SLC47A1: variants seen among roughly 807,000 people sequenced by gnomAD.
SLC47A1 encodes multidrug and toxin extrusion protein 1.
A neutral mutation model predicts 65.8 loss-of-function variants in SLC47A1; 58 were observed. The ratio of observed to expected loss-of-function variants is 0.88; its 90% CI spans 0.71 to 1.10. The LOEUF is 1.10. SLC47A1 is among the 50% of genes least tolerant of loss of function. SLC47A1 has a pLI of 0.00. For missense variants in SLC47A1, 706 were observed against 719.2 expected (o/e 0.98, Z 0.21); for synonymous variants, 285 against 295.0 (o/e 0.97, Z 0.35).
chr17:19,571,706 T>G, intron 15 of SLC47A1, 134 bp downstream of exon 15: 1 of 673,396 alleles, frequency 1.5e-6, no homozygotes, highest in Non-Finnish European at 2.5e-6. Flanking sequence ...CTATTGTTCT[T>G]GTTGTTTTAA....
At chr17:19,547,945 G>A in intron 3 of SLC47A1, 40 bp from the exon 4 acceptor site, 2 of 1,556,980 alleles carry the variant, frequency 1.3e-6, no homozygotes, top group East Asian at 4.6e-5. Context: ...GGTGTGCTGG[G>A]TCTGTGCTAA....
chr17:19,548,908 A>G (rs1278253007), intron 4 of SLC47A1, among the ~76,000 whole-genome samples: 1 of 152,094 alleles, frequency 6.6e-6, no homozygotes, highest in East Asian at 1.9e-4. Flanking sequence ...AAGAGCTTTT[A>G]AAGCTCTTAT....
rs994176062 is a variant in SLC47A1 at position 19,561,600 on chromosome 17, G to A, written c.1106+1107G>A. ...GGAGCTTGCAGTGAGCTGAGATCCCGCCACTGCACTCCAGCCTGGGCGACA... is the reference window on the plus strand; with the variant it reads ...GGAGCTTGCAGTGAGCTGAGATCCCACCACTGCACTCCAGCCTGGGCGACA... On this transcript the variant is annotated intron_variant, in intron 12 of 16. Coordinates refer to ENST00000270570, the MANE Select transcript of SLC47A1 (RefSeq NM_018242.3). Among the ~76,000 whole-genome samples the A allele has an allele frequency of 4.9e-5, 7 of 144,098 alleles. No individual in the cohort carries two copies. In the South Asian group the frequency reaches 8.8e-4, roughly 18 times the overall value. 94.5% of individuals were successfully genotyped at this position (144,098 alleles called of 152,430 possible). A position where few individuals can be genotyped will look rare whatever the true frequency, so the allele number is the denominator to read the frequency against.
chr17:19,555,473 GGAA>G (rs1215806879), intron 7 of SLC47A1, 117 bp from the exon 8 acceptor site: 4 of 1,302,662 alleles, frequency 3.1e-6, no homozygotes, highest in Non-Finnish European at 4.4e-6. Flanking sequence ...GGCTGCTCTG[GGAA>G]GAAGACCTTG....
chr17:19,552,455 C>G (rs949610864), intron 6 of SLC47A1, among the ~76,000 whole-genome samples: 9 of 152,198 alleles, frequency 5.9e-5, no homozygotes, highest in Non-Finnish European at 1.0e-4. Context: ...TTTCATCCGG[C>G]TTTGGGCTGT....
intron 1 of SLC47A1, among the ~76,000 whole-genome samples, chr17:19,540,288 AG>A (rs374175276): frequency 3.4e-4 from 52 of 152,318 alleles, no homozygotes; most frequent in African/African-American, 1.2e-3. Flanking sequence ...AACAGCTCAC[AG>A]GTGGCCCACA....
intron 12 of SLC47A1, among the ~76,000 whole-genome samples, chr17:19,564,326 G>A (rs2084339483): frequency 6.6e-6 from 1 of 152,086 alleles, no homozygotes; most frequent in Non-Finnish European, 1.5e-5. Flanking sequence ...ACTCCAGCCT[G>A]GGTGACAGTG....
rs374210525 is a variant in SLC47A1, at chr17:19,555,969, A to G, written c.854-26A>G. 8.7e-6 allele frequency: 14 copies of G among 1,613,980 alleles called. No homozygotes were observed. The African/African-American group carries it at 1.6e-4, about 18-fold the overall frequency. Reference sequence around the variant, plus strand: ...AACCTGGGGGCCCTGTCTGGGTGCAAGGCGACAGCTGTCTTTCTTCACCAG... The same window carrying G: ...AACCTGGGGGCCCTGTCTGGGTGCAGGGCGACAGCTGTCTTTCTTCACCAG... On this transcript the variant is annotated intron_variant, in intron 9 of 16. Transcript: ENST00000270570.
Position 19,555,690 on chromosome 17 carries a change from G to T in SLC47A1, c.739G>T (p.Gly247Cys). ...AAAACTGCATCAAGCTACATGGGGA[G>T]GTAATGACTGCCCTTTTGTCTTCCA... ...GKKLHQATWG[G>C]WSLECLQDWA... is the part of the protein sequence containing the mutation. The change falls in exon 8 of 17, where the codon GGC becomes TGC. Residue 247 changes from glycine to cysteine, a missense_variant and splice_region_variant. Physicochemically the swap from Gly to Cys is radical, Grantham distance 159 (BLOSUM62 -3). Transcript: ENST00000270570. The T allele has an allele frequency of 6.2e-7, 1 of 1,614,140 alleles. No homozygotes were observed. Among genetic ancestry groups the T allele is most frequent in the Non-Finnish European group, 8.5e-7 (1 of 1,180,024 alleles).
chr17:19,558,144 C>T (rs900745609), intron 10 of SLC47A1, among the ~76,000 whole-genome samples: 1 of 152,166 alleles, frequency 6.6e-6, no homozygotes, highest in Non-Finnish European at 1.5e-5. Context: ...ACCAATTGTT[C>T]TGGTAATGTC....
At chr17:19,559,233 T>C (rs1032989002) in intron 10 of SLC47A1, among the ~76,000 whole-genome samples, 3 of 152,198 alleles carry the variant, frequency 2.0e-5, no homozygotes, top group Non-Finnish European at 1.5e-5. Context: ...ATAAAGTGGC[T>C]GTGCTGGGAT....
intron 14 of SLC47A1, chr17:19,568,002 G>A (rs1477297353): frequency 2.6e-5 from 4 of 152,306 alleles, no homozygotes; most frequent in East Asian, 1.9e-4. Context: ...TAAAAAGTAC[G>A]GAAATAAATG....
At chr17:19,556,578 G>A (rs1462599202) in intron 10 of SLC47A1, among the ~76,000 whole-genome samples, 1 of 128,340 alleles carries the variant, frequency 7.8e-6, no homozygotes, top group Admixed American at 8.1e-5. Flanking sequence ...TTTTTTTTGA[G>A]ATGGAGTCCC....
rs138333806 is a variant in SLC47A1, at chr17:19,572,556, A to C, written c.1405-224A>C. ...AGGCTGGCCTTGAATTCCTGGGCTCAAGCAATCCTCTCTCCTCAGCCCCCC... is the reference window on the plus strand; with the variant it reads ...AGGCTGGCCTTGAATTCCTGGGCTCCAGCAATCCTCTCTCCTCAGCCCCCC... On this transcript the variant is annotated intron_variant, in intron 15 of 16. Coordinates refer to ENST00000270570, the MANE Select transcript of SLC47A1 (RefSeq NM_018242.3). Among the ~76,000 whole-genome samples, 138 of 152,134 alleles carry C rather than the reference A, an allele frequency of 9.1e-4. No homozygotes were observed. The Middle Eastern group carries it at 0.01, about 11-fold the overall frequency.
chr17:19,572,805 T>A lies in SLC47A1; in HGVS notation c.1430T>A (p.Val477Glu). Reference sequence around the variant, plus strand: ...GCTCAGGTACACGCCAATTTGAAAGTAAACAACGTGCCTCGGAGTGGGAAT... The same window carrying A: ...GCTCAGGTACACGCCAATTTGAAAGAAAACAACGTGCCTCGGAGTGGGAAT... ...QQAQVHANLK[V>E]NNVPRSGNSA... The change falls in exon 16 of 17, where the codon GTA becomes GAA. Residue 477 changes from valine to glutamate, a missense_variant. By Grantham distance (121) the Val-to-Glu change is moderately radical (BLOSUM62 -2). Coordinates refer to ENST00000270570, the MANE Select transcript of SLC47A1 (RefSeq NM_018242.3). 1 of 1,614,118 alleles carries A rather than the reference T, an allele frequency of 6.2e-7. No homozygotes were observed. Among genetic ancestry groups the A allele is most frequent in the Non-Finnish European group, 8.5e-7 (1 of 1,180,012 alleles).
At position 19,541,254 on chromosome 17, in the gene SLC47A1, C is replaced by T. The variant is rs539831653; in HGVS notation, c.136-1139C>T. 6.6e-5 allele frequency among the ~76,000 whole-genome samples: 10 copies of T among 152,270 alleles called. No individual in the cohort carries two copies. The South Asian group carries it at 1.5e-3, about 22-fold the overall frequency. On this transcript the variant is annotated intron_variant, in intron 1 of 16. Coordinates refer to ENST00000270570, the MANE Select transcript of SLC47A1 (RefSeq NM_018242.3). Reference sequence around the variant, plus strand: ...CAGCTTCAGTGAGGGCCCCATGGGGCAGATGCAGGCAGCGGCGGCAGCAGC... The same window carrying T: ...CAGCTTCAGTGAGGGCCCCATGGGGTAGATGCAGGCAGCGGCGGCAGCAGC...
At chr17:19,547,907 C>T in intron 3 of SLC47A1, 78 bp from the exon 4 acceptor site, 1 of 1,457,476 alleles carries the variant, frequency 6.9e-7, no homozygotes, top group Non-Finnish European at 9.2e-7. Flanking sequence ...CTTTGTGTGG[C>T]ACAATTGAAG....
chr17:19,545,488 G>T (rs1019345893), intron 2 of SLC47A1, among the ~76,000 whole-genome samples: 3 of 150,994 alleles, frequency 2.0e-5, no homozygotes, highest in Non-Finnish European at 4.4e-5. Flanking sequence ...CACTATGCTC[G>T]GCCAGAAATT....
Position 19,555,876 on chromosome 17 carries a change from T to G in SLC47A1, c.820T>G (p.Trp274Gly). 1.2e-6 allele frequency: 2 copies of G among 1,613,470 alleles called. No individual in the cohort carries two copies. Among genetic ancestry groups the G allele is most frequent in the Non-Finnish European group, 8.5e-7 (1 of 1,179,920 alleles). Residue 274 changes from tryptophan to glycine, a missense_variant, in exon 9 of 17, where the codon TGG becomes GGG. Physicochemically the swap from Trp to Gly is radical, Grantham distance 184. Transcript: ENST00000270570. ...CAGCATGCTCATGCTGTGCATGGAGTGGTGGGCCTATGAGGTCGGGAGCTT... is the reference window on the plus strand; with the variant it reads ...CAGCATGCTCATGCTGTGCATGGAGGGGTGGGCCTATGAGGTCGGGAGCTT... ...IPSMLMLCME[W>G]WAYEVGSFLS... is the part of the protein sequence containing the mutation.
Sources: allele counts gnomAD v4.1 joint callset (sites outside exome capture counted in the v4.1 genomes callset), GRCh38; gene constraint gnomAD v4.1.1; transcripts MANE v1.5; gene names NCBI Gene and HGNC (gene_info 2026-07-23, HGNC 2026-07-21).